MCF2L: variants seen among roughly 807,000 people sequenced by gnomAD.
The protein encoded by MCF2L is guanine nucleotide exchange factor DBS.
A neutral mutation model predicts 153.4 loss-of-function variants in MCF2L; 97 were observed. The ratio of observed to expected loss-of-function variants is 0.63; its 90% CI spans 0.54 to 0.75. The LOEUF is 0.75. Ranked by LOEUF, MCF2L falls within the 30% of genes least tolerant of loss-of-function variation. The pLI is 0.00. For synonymous variants in MCF2L, 659 were observed against 632.2 expected, an observed-to-expected ratio of 1.04 and a Z score of -0.64; for missense variants, 1,347 against 1,495.2, an observed-to-expected ratio of 0.90 and a Z score of 1.64.
chr13:113,088,951 A>G (rs1278422193), intron 25 of MCF2L, among the ~76,000 whole-genome samples: 1 of 152,204 alleles, frequency 6.6e-6, no homozygotes, highest in Non-Finnish European at 1.5e-5. Flanking sequence ...GCCGGCACTG[A>G]TGGCCCAGCA....
chr13:112,961,235 G>A (rs760560302), intron 2 of MCF2L, among the ~76,000 whole-genome samples: 6 of 152,220 alleles, frequency 3.9e-5, no homozygotes, highest in Admixed American at 1.3e-4. Context: ...AATACAAAAT[G>A]TGATGAAGTG....
rs2082503528 is a variant in MCF2L, at chr13:112,983,195, C to A, written c.79+13737C>A. ...GGTGAGGGGGTAGCAGAGCCCCTCA[C>A]ACAGGTCTAGGTTGCAGGTTCATGG... On this transcript the variant is annotated intron_variant, in intron 1 of 29. Transcript: ENST00000535094. This position sits in a 1 kb window ranked among gnomAD's most constrained non-coding sequence, Gnocchi z 4.0. Among the ~76,000 whole-genome samples the A allele has an allele frequency of 6.6e-6, 1 of 152,092 alleles. No homozygotes were observed. Among genetic ancestry groups the A allele is most frequent in the African/African-American group, 2.4e-5 (1 of 41,398 alleles).
chr13:113,062,954 T>C (rs1353422446), intron 5 of MCF2L, among the ~76,000 whole-genome samples: 1 of 152,188 alleles, frequency 6.6e-6, no homozygotes, highest in Admixed American at 6.5e-5. Context: ...GTGTGTTGAT[T>C]TCAACTGGTG....
intron 16 of MCF2L, 105 bp downstream of exon 16, chr13:113,081,384 A>T: frequency 8.7e-7 from 1 of 1,154,614 alleles, no homozygotes; most frequent in Non-Finnish European, 1.2e-6. Flanking sequence ...CTGTCCACCA[A>T]ATGCATGTGA....
rs549061722 is a variant in MCF2L, at chr13:113,028,198, C to T, written c.278+3440C>T. On this transcript the variant is annotated intron_variant, in intron 3 of 29. Transcript: ENST00000535094. This position sits in a 1 kb window ranked among gnomAD's most constrained non-coding sequence, Gnocchi z 5.4. ...AAACTTCATGGAGTCCCTTAGCTAC[C>T]CACATCCCTTTCTCAAGATTTTTCT... Among the ~76,000 whole-genome samples, 2 of 152,276 alleles carry T rather than the reference C, an allele frequency of 1.3e-5. No individual in the cohort carries two copies. The highest frequency in any genetic ancestry group is 3.9e-4 in the East Asian group (2 of 5,184).
At chr13:113,082,402 G>A (rs536516484) in intron 16 of MCF2L, 25 bp from the exon 17 acceptor site, 18 of 1,506,560 alleles carry the variant, frequency 1.2e-5, no homozygotes, top group African/African-American at 8.2e-5. Flanking sequence ...CAGGACCCCC[G>A]CCGACCTCTG....
intron 1 of MCF2L, among the ~76,000 whole-genome samples, chr13:112,988,439 G>A (rs1290042096): frequency 2.6e-5 from 4 of 152,226 alleles, no homozygotes; most frequent in Non-Finnish European, 5.9e-5. Context: ...GTGCACGGGT[G>A]TGGTGCGTTT....
At chr13:113,012,350 G>A (rs1199214411) in intron 1 of MCF2L, among the ~76,000 whole-genome samples, 2 of 98,390 alleles carry the variant, frequency 2.0e-5, no homozygotes, top group East Asian at 3.4e-4. Flanking sequence ...CAGTGTGGAC[G>A]GTGGACACTG....
upstream of MCF2L, chr13:112,968,779 G>A (rs2081944378): frequency 7.4e-7 from 1 of 1,349,466 alleles, no homozygotes; most frequent in Admixed American, 4.0e-5. Context: ...GTCCACTCGC[G>A]GCTTCGCGGC....
chr13:112,900,426 C>T (rs995484657), intron 1 of MCF2L, among the ~76,000 whole-genome samples: 2 of 152,164 alleles, frequency 1.3e-5, no homozygotes, highest in African/African-American at 2.4e-5. Context: ...CTGGAGAACA[C>T]GCCACACGTA....
In MCF2L at chr13:113,096,803, A is replaced by G; in HGVS notation, c.3322A>G (p.Asn1108Asp). ...ESSPGSAVLS[N>D]SSSCSEGGQA... ...GAGCCCGGGGTCGGCCGTGCTGAGC[A>G]ACTCGTCCAGCTGCAGCGAGGGCGG... is the stretch of plus-strand genomic sequence containing the variant. Residue 1108 changes from asparagine to aspartate, a missense_variant, in exon 30 of 30, where the codon AAC (asparagine) becomes GAC (aspartate). Physicochemically the swap from Asn to Asp is conservative, Grantham distance 23 (BLOSUM62 1). Transcript: ENST00000535094. 6.4e-7 allele frequency: 1 copy of G among 1,556,168 alleles called. No homozygotes were observed. The highest frequency in any genetic ancestry group is 8.6e-7 in the Non-Finnish European group (1 of 1,161,394).
intron 1 of MCF2L, among the ~76,000 whole-genome samples, chr13:112,975,466 T>A (rs942564930): frequency 3.9e-5 from 6 of 152,242 alleles, no homozygotes; most frequent in African/African-American, 1.4e-4. Flanking sequence ...GGAGAGCACC[T>A]ACCTGCTAGG....
At chr13:113,066,405 CA>C (rs1294491508) in intron 8 of MCF2L, among the ~76,000 whole-genome samples, 2 of 152,192 alleles carry the variant, frequency 1.3e-5, no homozygotes, top group Admixed American at 6.5e-5. Context: ...GTTTTGGGGA[CA>C]ATTTCCTAGA....
chr13:112,994,451 G>A (rs977740010), intron 1 of MCF2L, among the ~76,000 whole-genome samples: 1 of 152,248 alleles, frequency 6.6e-6, no homozygotes, highest in African/African-American at 2.4e-5. Flanking sequence ...CCAGGAGGCT[G>A]TCGGTGGGGC....
intron 2 of MCF2L, among the ~76,000 whole-genome samples, chr13:112,948,959 A>T (rs1256233858): frequency 6.6e-6 from 1 of 152,176 alleles, no homozygotes; most frequent in Admixed American, 6.5e-5. Context: ...CCAGCTACTC[A>T]TGAGGCACAG....
At chr13:112,894,428 G>A in exon 1 of MCF2L, 1 of 151,662 alleles carries the variant, frequency 6.6e-6, no homozygotes, top group Non-Finnish European at 1.5e-5. Flanking sequence ...ACCACGGGCG[G>A]CAGGTGCGCG....
At chr13:112,984,135 G>A (rs77299645) in intron 1 of MCF2L, among the ~76,000 whole-genome samples, 11,193 of 152,266 alleles carry the variant, frequency 0.074, 529 homozygotes, top group East Asian at 0.12. Flanking sequence ...CCGGGTGCCG[G>A]ATCTCCCAGG....
In MCF2L at chr13:112,895,915, C is replaced by G. The variant is rs374663845; in HGVS notation, c.-5+1484C>G. On this transcript the variant is annotated intron_variant, in intron 1 of 29. Coordinates refer to the MCF2L transcript ENST00000375608. Reference sequence around the variant, plus strand: ...TGTAGGGGCCCAGGTGTCCGTGGCTCAAACTTCCACATTGGGTATCCCCAA... The same window carrying G: ...TGTAGGGGCCCAGGTGTCCGTGGCTGAAACTTCCACATTGGGTATCCCCAA... Among the ~76,000 whole-genome samples the G allele has an allele frequency of 3.9e-4, 59 of 152,144 alleles. 1 individual carries two copies. In the South Asian group the frequency reaches 8.9e-3, roughly 23 times the overall value.
At chr13:113,081,340 G>T in intron 16 of MCF2L, 61 bp downstream of exon 16, 5 of 1,483,114 alleles carry the variant, frequency 3.4e-6, no homozygotes, top group Non-Finnish European at 3.6e-6. Flanking sequence ...AGCTGGTGGG[G>T]CTTCCTCTGA....
Sources: allele counts gnomAD v4.1 joint callset (sites outside exome capture counted in the v4.1 genomes callset), GRCh38; gene constraint gnomAD v4.1.1; non-coding constraint Gnocchi (gnomAD v3.1); transcripts MANE v1.5; gene names NCBI Gene and HGNC (gene_info 2026-07-23, HGNC 2026-07-21).